TMEM117: variants seen among roughly 807,000 people sequenced by gnomAD.
TMEM117 encodes the protein transmembrane protein 117.
TMEM117 carries 27 observed loss-of-function variants against 52.4 expected under a neutral mutation model. The observed-to-expected ratio is 0.51, with a 90% CI of 0.38 to 0.71. The LOEUF (loss-of-function observed/expected upper bound fraction) is 0.71, where lower values mean the gene tolerates loss of function less well. TMEM117 is among the 30% of genes least tolerant of loss of function. The probability of loss-of-function intolerance (pLI) is 0.00; values close to 1 mark genes in which losing one functional copy is unlikely to be tolerated. For synonymous variants in TMEM117, 215 were observed against 206.3 expected, an observed-to-expected ratio of 1.04 and a Z score of -0.36; for missense variants, 556 against 630.5, an observed-to-expected ratio of 0.88 and a Z score of 1.26.
chr12:44,312,511 T>C (rs1419741648), intron 6 of TMEM117, among the ~76,000 whole-genome samples: 1 of 152,144 alleles, frequency 6.6e-6, no homozygotes, highest in Non-Finnish European at 1.5e-5. Context: ...AATCCACCGC[T>C]GTTGGGCCCT....
chr12:44,287,327 C>G (rs1950650455), intron 5 of TMEM117, among the ~76,000 whole-genome samples: 1 of 152,166 alleles, frequency 6.6e-6, no homozygotes, highest in South Asian at 2.1e-4. Context: ...GCCAGCGTGT[C>G]TTGCTGGCAG....
At chr12:43,898,034 A>ACACACG (rs1351240932) in intron 2 of TMEM117, among the ~76,000 whole-genome samples, 1 of 138,010 alleles carries the variant, frequency 7.2e-6, no homozygotes, top group East Asian at 2.0e-4. Flanking sequence ...ATGCGCACAC[A>ACACACG]CACACACACG....
At chr12:44,150,438 G>A (rs557468557) in intron 4 of TMEM117, among the ~76,000 whole-genome samples, 1 of 152,238 alleles carries the variant, frequency 6.6e-6, no homozygotes, top group South Asian at 2.1e-4. Context: ...AGGTCAAGAG[G>A]TTGCGAGTGG....
intron 3 of TMEM117, among the ~76,000 whole-genome samples, chr12:43,983,659 CAA>C (rs1443019377): frequency 3.4e-5 from 5 of 147,836 alleles, no homozygotes; most frequent in Admixed American, 6.8e-5. Flanking sequence ...ATATAAGTAA[CAA>C]AGAGTAGTGT....
the TMEM117 span, among the ~76,000 whole-genome samples, chr12:44,398,802 A>G: frequency 6.6e-6 from 1 of 152,196 alleles, no homozygotes; most frequent in Admixed American, 6.5e-5. Flanking sequence ...GGCAGGGAAG[A>G]TTGCATTTGT....
intron 5 of TMEM117, among the ~76,000 whole-genome samples, chr12:44,218,233 A>C (rs1212157773): frequency 1.3e-5 from 2 of 152,052 alleles, no homozygotes; most frequent in Non-Finnish European, 1.5e-5. Flanking sequence ...AAAAAAACAA[A>C]AAACAAAAAA....
chr12:44,398,565 C>G, the TMEM117 span, among the ~76,000 whole-genome samples: 1 of 152,134 alleles, frequency 6.6e-6, no homozygotes, highest in African/African-American at 2.4e-5. Context: ...GTCCCAACCA[C>G]CAGACACACC....
chr12:44,252,125 G>T (rs907061371), intron 5 of TMEM117, among the ~76,000 whole-genome samples: 1 of 152,040 alleles, frequency 6.6e-6, no homozygotes, highest in East Asian at 1.9e-4. Flanking sequence ...TGCATGCTTC[G>T]TCTCTGGTGA....
intron 5 of TMEM117, among the ~76,000 whole-genome samples, chr12:44,236,115 A>G (rs962398417): frequency 6.6e-6 from 1 of 151,650 alleles, no homozygotes; most frequent in Non-Finnish European, 1.5e-5. Context: ...TCTTGGGATT[A>G]TTGAAATAGT....
chr12:43,929,140 T>C (rs1202375524), intron 2 of TMEM117, among the ~76,000 whole-genome samples: 2 of 152,120 alleles, frequency 1.3e-5, no homozygotes, highest in African/African-American at 4.8e-5. Flanking sequence ...AAATGGTATT[T>C]CTAGTTCTAG....
chr12:43,949,662 T>A (rs781262467), intron 3 of TMEM117, among the ~76,000 whole-genome samples: 1 of 152,084 alleles, frequency 6.6e-6, no homozygotes, highest in Non-Finnish European at 1.5e-5. Context: ...AATTATTATT[T>A]TGGAGAGACT....
chr12:44,046,634 G>A (rs545172233), intron 3 of TMEM117, among the ~76,000 whole-genome samples: 8 of 152,300 alleles, frequency 5.3e-5, no homozygotes, highest in Middle Eastern at 3.4e-3. Context: ...GGTAGTAGAA[G>A]AAGGTAGTCA....
Position 44,185,260 on chromosome 12 carries a change from C to A in TMEM117, c.511-26030C>A, listed in dbSNP as rs1246929887. 1.4e-4 allele frequency among the ~76,000 whole-genome samples: 22 copies of A among 152,282 alleles called. No homozygotes were observed. The East Asian group carries it at 4.2e-3, about 29-fold the overall frequency. On this transcript the variant is annotated intron_variant, in intron 4 of 7. Coordinates refer to ENST00000266534, the MANE Select transcript of TMEM117 (RefSeq NM_032256.3). The stretch of plus-strand genomic sequence containing the variant: ...CTGGTAGTAATACAAAGCATGATTG[C>A]TGAAACAATGGTTGAAGGAACAATG...
intron 5 of TMEM117, among the ~76,000 whole-genome samples, chr12:44,278,957 T>C (rs1331191526): frequency 1.3e-5 from 2 of 152,254 alleles, no homozygotes; most frequent in African/African-American, 2.4e-5. Flanking sequence ...CTTGAGACTT[T>C]CCTTTATTCT....
chr12:44,354,018 T>C (rs1468027773), intron 6 of TMEM117, among the ~76,000 whole-genome samples: 1 of 152,186 alleles, frequency 6.6e-6, no homozygotes, highest in Middle Eastern at 3.2e-3. Flanking sequence ...TTCACATCCC[T>C]TGTAAGTTGG....
chr12:44,283,499 C>T (rs1019514805), intron 5 of TMEM117, among the ~76,000 whole-genome samples: 2 of 152,138 alleles, frequency 1.3e-5, no homozygotes, highest in African/African-American at 4.8e-5. Flanking sequence ...TTTGACTGCC[C>T]CACTGGATTT....
At chr12:44,013,028 C>CTT (rs112180367) in intron 3 of TMEM117, among the ~76,000 whole-genome samples, 1 of 141,690 alleles carries the variant, frequency 7.1e-6, no homozygotes. Context: ...TTCTTTCTTG[C>CTT]TTTTTTTTTT....
the TMEM117 span, among the ~76,000 whole-genome samples, chr12:43,813,527 C>T: frequency 6.6e-6 from 1 of 151,958 alleles, no homozygotes; most frequent in Non-Finnish European, 1.5e-5. Flanking sequence ...ACACCTGGCC[C>T]TGAACTGGTT....
chr12:44,302,483 T>A (rs1354948561), intron 6 of TMEM117, among the ~76,000 whole-genome samples: 1 of 152,252 alleles, frequency 6.6e-6, no homozygotes, highest in Non-Finnish European at 1.5e-5. Context: ...ATCCTACCAT[T>A]GGAGACCATT....
Sources: allele counts gnomAD v4.1 joint callset (sites outside exome capture counted in the v4.1 genomes callset), GRCh38; gene constraint gnomAD v4.1.1; transcripts MANE v1.5; gene names NCBI Gene and HGNC (gene_info 2026-07-23, HGNC 2026-07-21).